The following TMEM132D variants were observed in gnomAD, a reference collection of about 807,000 sequenced individuals.
TMEM132D encodes transmembrane protein 132D.
TMEM132D carries 21 observed loss-of-function variants against 62.3 expected under a neutral mutation model. The observed-to-expected ratio is 0.34, with a 90% confidence interval of 0.24 to 0.49. TMEM132D has a LOEUF of 0.49. Ranked by LOEUF, TMEM132D falls within the 20% of genes least tolerant of loss-of-function variation. The pLI, the probability that TMEM132D is intolerant of heterozygous loss-of-function variation, is 0.99. For missense variants in TMEM132D, 1,346 were observed against 1,402.8 expected, an observed-to-expected ratio of 0.96 and a Z score of 0.65; for synonymous variants, 621 against 575.6, an observed-to-expected ratio of 1.08 and a Z score of -1.13.
At chr12:129,792,068 C>T (rs766483220) in intron 1 of TMEM132D, among the ~76,000 whole-genome samples, 14 of 152,180 alleles carry the variant, frequency 9.2e-5, no homozygotes, top group Admixed American at 2.0e-4. Flanking sequence ...GGGCCATTCA[C>T]GTTCCAAAGC....
chr12:129,498,019 G>A (rs1026945025), intron 3 of TMEM132D, among the ~76,000 whole-genome samples: 6 of 151,898 alleles, frequency 4.0e-5, no homozygotes, highest in African/African-American at 1.2e-4. Flanking sequence ...AGCTCTGGTT[G>A]TTTTTTTCTC....
intron 4 of TMEM132D, chr12:129,210,082 C>G (rs1214169842): frequency 6.1e-6 from 1 of 164,082 alleles, no homozygotes; most frequent in African/African-American, 2.4e-5. Flanking sequence ...CAGGGTCACC[C>G]AGCTAGAAAT....
chr12:129,638,323 A>T (rs1175001043), intron 2 of TMEM132D, among the ~76,000 whole-genome samples: 1 of 152,074 alleles, frequency 6.6e-6, no homozygotes, highest in Admixed American at 6.6e-5. Context: ...CTTTACCCCC[A>T]AATTATGTGA....
intron 4 of TMEM132D, among the ~76,000 whole-genome samples, chr12:129,333,701 C>G (rs1482292): frequency 6.6e-6 from 1 of 152,136 alleles, no homozygotes; most frequent in Non-Finnish European, 1.5e-5. Context: ...ATAGCTCACT[C>G]TCTCCAGCCT....
chr12:129,153,462 C>G (rs141811575), intron 5 of TMEM132D, among the ~76,000 whole-genome samples: 1 of 151,764 alleles, frequency 6.6e-6, no homozygotes, highest in African/African-American at 2.4e-5. Context: ...GTGTTTGGGT[C>G]ATCGTGAAAT....
At chr12:129,520,097 T>C (rs1875806920) in intron 3 of TMEM132D, among the ~76,000 whole-genome samples, 1 of 152,222 alleles carries the variant, frequency 6.6e-6, no homozygotes, top group Non-Finnish European at 1.5e-5. Flanking sequence ...CATAGGTGTG[T>C]AAGACAGTGT....
chr12:129,171,547 G>A (rs1376878391), intron 5 of TMEM132D, among the ~76,000 whole-genome samples: 1 of 152,162 alleles, frequency 6.6e-6, no homozygotes, highest in Non-Finnish European at 1.5e-5. Context: ...ACAGTCTCTG[G>A]CAGCTATAGC....
At chr12:129,724,627 A>G (rs1593136367) in intron 1 of TMEM132D, among the ~76,000 whole-genome samples, 1 of 152,190 alleles carries the variant, frequency 6.6e-6, no homozygotes, top group East Asian at 1.9e-4. Flanking sequence ...GGTTCGAGCG[A>G]TTCTCCTGCC....
intron 4 of TMEM132D, among the ~76,000 whole-genome samples, chr12:129,313,216 T>C (rs1330989583): frequency 6.6e-6 from 1 of 152,178 alleles, no homozygotes; most frequent in African/African-American, 2.4e-5. Context: ...GGGTATTTGG[T>C]TACATGAGTT....
At chr12:129,433,965 A>G (rs1038286194) in intron 3 of TMEM132D, among the ~76,000 whole-genome samples, 1 of 152,208 alleles carries the variant, frequency 6.6e-6, no homozygotes, top group Non-Finnish European at 1.5e-5. Flanking sequence ...TATTTCTCGC[A>G]CTGTTAAATT....
chr12:129,457,324 G>A (rs1196805598), intron 3 of TMEM132D, among the ~76,000 whole-genome samples: 1 of 150,572 alleles, frequency 6.6e-6, no homozygotes, highest in Non-Finnish European at 1.5e-5. Flanking sequence ...ATCATTCTCA[G>A]CAAACTATTG....
At chr12:129,662,460 G>C (rs1366204736) in intron 2 of TMEM132D, among the ~76,000 whole-genome samples, 1 of 151,890 alleles carries the variant, frequency 6.6e-6, no homozygotes, top group Non-Finnish European at 1.5e-5. Flanking sequence ...GGCTTTTTTT[G>C]GCCAAGACTC....
intron 2 of TMEM132D, among the ~76,000 whole-genome samples, chr12:129,544,725 A>G (rs2137100636): frequency 6.6e-6 from 1 of 152,370 alleles, no homozygotes; most frequent in South Asian, 2.1e-4. Context: ...GAAAAGAAAA[A>G]AAAGAGAAAG....
intron 2 of TMEM132D, among the ~76,000 whole-genome samples, chr12:129,643,236 A>C (rs1879688425): frequency 6.6e-6 from 1 of 152,080 alleles, no homozygotes; most frequent in African/African-American, 2.4e-5. Flanking sequence ...GATCATTTTA[A>C]GAGGAACTAC....
intron 7 of TMEM132D, among the ~76,000 whole-genome samples, chr12:129,079,237 G>T (rs1006404788): frequency 6.6e-6 from 1 of 152,132 alleles, no homozygotes; most frequent in African/African-American, 2.4e-5. Flanking sequence ...GATCCTGCTG[G>T]TCCATCTCAA....
chr12:129,719,103 A>AG (rs56099523), intron 1 of TMEM132D, among the ~76,000 whole-genome samples: 4 of 143,810 alleles, frequency 2.8e-5, no homozygotes, highest in Admixed American at 1.4e-4. Context: ...AAAAAAAGAA[A>AG]AAAAGCTGGG....
intron 1 of TMEM132D, among the ~76,000 whole-genome samples, chr12:129,832,655 C>T (rs1470199019): frequency 6.6e-6 from 1 of 152,150 alleles, no homozygotes; most frequent in Non-Finnish European, 1.5e-5. Flanking sequence ...AGGCCTCTGC[C>T]CGGCAGGTGA....
chr12:129,702,325 T>C (rs1017173760), intron 1 of TMEM132D, among the ~76,000 whole-genome samples: 1 of 152,168 alleles, frequency 6.6e-6, no homozygotes, highest in Non-Finnish European at 1.5e-5. Context: ...ATATGGATTG[T>C]TTTCAAAAAT....
At chr12:129,517,759 G>A (rs1488595702) in intron 3 of TMEM132D, among the ~76,000 whole-genome samples, 2 of 152,132 alleles carry the variant, frequency 1.3e-5, no homozygotes, top group African/African-American at 4.8e-5. Context: ...CCATCTCAAG[G>A]TCATTCCAAA....
Sources: gnomAD v4.1 joint callset for allele counts (sites outside exome capture counted in the v4.1 genomes callset) on GRCh38, gnomAD v4.1.1 for gene constraint, MANE v1.5 for transcripts, NCBI Gene and HGNC (gene_info 2026-07-23, HGNC 2026-07-21) for gene names.